The following GLI4 variants were observed in gnomAD, a reference collection of about 807,000 sequenced individuals.
The protein encoded by GLI4 is zinc finger protein GLI4.
GLI4 carries 34 observed loss-of-function variants against 30.9 expected under a neutral mutation model. That is an observed-to-expected ratio of 1.10 (90% confidence interval 0.84 to 1.47). The LOEUF (loss-of-function observed/expected upper bound fraction) is 1.47. Among genes scored for constraint, GLI4 ranks in the 40% most tolerant of loss-of-function variants. GLI4 has a pLI of 0.00. For missense variants in GLI4, 696 were observed against 538.9 expected, an observed-to-expected ratio of 1.29 and a Z score of -2.89; for synonymous variants, 277 against 236.7, an observed-to-expected ratio of 1.17 and a Z score of -1.56.
In GLI4 at chr8:143,276,269, T is replaced by G; in HGVS notation, c.596T>G (p.Leu199Arg). 1.2e-6 allele frequency: 2 copies of G among 1,612,380 alleles called. No homozygotes were observed. Among genetic ancestry groups the G allele is most frequent in the Non-Finnish European group, 1.7e-6 (2 of 1,179,606 alleles). ...AGTTTCAAGTATAACTCGCTGCTCCTGAAGCACCAGCGCATCCACACGGGC... is the reference window on the plus strand; with the variant it reads ...AGTTTCAAGTATAACTCGCTGCTCCGGAAGCACCAGCGCATCCACACGGGC... ...GKSFKYNSLL[L>R]KHQRIHTGEK... The change falls in exon 4 of 4, where the codon CTG becomes CGG. Residue 199 changes from leucine (L) to arginine (R), a missense_variant. Transcript: ENST00000340042.
chr8:143,268,847 C>CTGT lies in GLI4; in HGVS notation c.-37-511_-37-510insTTG, dbSNP rs1465843396. Among the ~76,000 whole-genome samples the CTGT allele has an allele frequency of 4.7e-4, 67 of 142,708 alleles. 1 individual carries two copies. The East Asian group carries it at 0.013, about 27-fold the overall frequency. The allele number at this position is 142,708 out of a possible 152,430, so 93.6% of individuals were successfully genotyped here. A position where few individuals can be genotyped will look rare whatever the true frequency, so the allele number is the denominator to read the frequency against. ...CCAAGGCGTTACTCCTTTGCTGCTG[C>CTGT]TGCTGCTGCTGCTGTTGTTTGAGTC... On this transcript the variant is annotated intron_variant, in intron 1 of 3. Coordinates refer to ENST00000340042, the MANE Select transcript of GLI4 (RefSeq NM_138465.4).
chr8:143,271,204 G>T (rs1490842322), intron 2 of GLI4, among the ~76,000 whole-genome samples: 1 of 152,194 alleles, frequency 6.6e-6, no homozygotes, highest in East Asian at 1.9e-4. Flanking sequence ...GGACAGATGA[G>T]CTGGGCCCTG....
intron 1 of GLI4, among the ~76,000 whole-genome samples, chr8:143,268,295 G>C (rs1339285802): frequency 6.6e-6 from 1 of 152,206 alleles, no homozygotes; most frequent in East Asian, 1.9e-4. Flanking sequence ...TCTTAGATCT[G>C]AGTATCCGTT....
intron 2 of GLI4, among the ~76,000 whole-genome samples, chr8:143,270,842 C>G (rs966323513): frequency 1.3e-5 from 2 of 152,206 alleles, no homozygotes; most frequent in African/African-American, 4.8e-5. Context: ...CCCAGCAGAT[C>G]ATCTTGGCAC....
chr8:143,272,708 C>T (rs772751278), intron 2 of GLI4, among the ~76,000 whole-genome samples: 13 of 152,180 alleles, frequency 8.5e-5, no homozygotes, highest in Admixed American at 5.2e-4. Flanking sequence ...CGAATGTGGG[C>T]AGGTGTCAGG....
chr8:143,268,185 A>C, intron 1 of GLI4: 1 of 686,448 alleles, frequency 1.5e-6, no homozygotes. Context: ...GACCCTTCCC[A>C]TCATTAGGGG....
chr8:143,270,761 T>C (rs1815250326), intron 2 of GLI4, among the ~76,000 whole-genome samples: 1 of 152,010 alleles, frequency 6.6e-6, no homozygotes, highest in Non-Finnish European at 1.5e-5. Flanking sequence ...ACTCAGGGCA[T>C]GCCCTGGCAC....
intron 3 of GLI4, chr8:143,275,521 C>G (rs907965444): frequency 7.9e-7 from 1 of 1,265,468 alleles, no homozygotes; most frequent in Non-Finnish European, 9.9e-7. Context: ...GGCTTTGAGG[C>G]GCCCTCTGGA....
In GLI4 at chr8:143,267,529, C is replaced by T. The variant is rs943003133; in HGVS notation, c.-38+45C>T. 1.2e-5 allele frequency: 12 copies of T among 985,788 alleles called. No individual in the cohort carries two copies. The African/African-American group carries it at 2.1e-4, about 17-fold the overall frequency. 61.1% of individuals were successfully genotyped at this position (985,788 alleles called of 1,614,324 possible). On this transcript the variant is annotated intron_variant, in intron 1 of 3. Transcript: ENST00000340042. ...GGCGGCGGCTCCGGGTGCCTGGGAC[C>T]AGCCCAGTCCGAGCTCGTGCGCCGT...
At chr8:143,271,783 C>T (rs1815273618) in intron 2 of GLI4, among the ~76,000 whole-genome samples, 1 of 152,092 alleles carries the variant, frequency 6.6e-6, no homozygotes, top group African/African-American at 2.4e-5. Flanking sequence ...TGAGGAGCGG[C>T]CGGGTAAGGT....
Position 143,276,736 on chromosome 8 carries a change from G to T in GLI4, c.1063G>T (p.Ala355Ser). ...HTGEKPFACG[A>S]CGKAFGQSSQ... ...GGGCGAGAAGCCCTTCGCGTGTGGC[G>T]CCTGCGGCAAGGCCTTCGGCCAGAG... is the stretch of plus-strand genomic sequence containing the variant. The change falls in exon 4 of 4, where the codon GCC (alanine) becomes TCC (serine). Residue 355 changes from alanine (A) to serine (S), a missense_variant. Coordinates refer to ENST00000340042, the MANE Select transcript of GLI4 (RefSeq NM_138465.4). 6.2e-7 allele frequency: 1 copy of T among 1,608,668 alleles called. No homozygotes were observed. Among genetic ancestry groups the T allele is most frequent in the East Asian group, 2.2e-5 (1 of 44,734 alleles).
rs772672054 is a variant in GLI4, at chr8:143,276,687, C to T, written c.1014C>T (p.Phe338=). 5.0e-6 allele frequency: 8 copies of T among 1,611,540 alleles called. No homozygotes were observed. Among genetic ancestry groups the T allele is most frequent in the Non-Finnish European group, 5.1e-6 (6 of 1,179,362 alleles). Residue 338 remains phenylalanine, a synonymous_variant, in exon 4 of 4, where the codon TTC becomes TTT. Transcript: ENST00000340042. ...AAGCCTTCCGCGGCCGCTCGCACTT[C>T]TTCCGGCACCTGCGGACCCACACGG... ...CGKAFRGRSH[F]FRHLRTHTGE...
At chr8:143,271,331 G>C (rs958110038) in intron 2 of GLI4, among the ~76,000 whole-genome samples, 2 of 152,158 alleles carry the variant, frequency 1.3e-5, no homozygotes, top group African/African-American at 4.8e-5. Context: ...ATAAGGGGGC[G>C]GCCTTCATCC....
intron 1 of GLI4, among the ~76,000 whole-genome samples, chr8:143,268,859 C>CTGCTGCTGTTGCTGCTGCTGT (rs35422165): frequency 2.7e-5 from 4 of 149,384 alleles, no homozygotes; most frequent in African/African-American, 9.9e-5. Context: ...GCTGCTGCTG[C>CTGCTGCTGTTGCTGCTGCTGT]TGTTGTTTGA....
chr8:143,270,325 C>T (rs1347549330), intron 2 of GLI4, among the ~76,000 whole-genome samples: 1 of 152,232 alleles, frequency 6.6e-6, no homozygotes, highest in East Asian at 1.9e-4. Context: ...CAGGTGGGCA[C>T]TCAGATGGGG....
Position 143,274,798 on chromosome 8 carries a change from G to T in GLI4, c.219G>T (p.Trp73Cys), listed in dbSNP as rs1402374008. 1 of 1,558,644 alleles carries T rather than the reference G, an allele frequency of 6.4e-7. No individual in the cohort carries two copies. The highest frequency in any genetic ancestry group is 8.7e-7 in the Non-Finnish European group (1 of 1,148,584). ...EEVEIGRDTF[W>C]PDSEPKPEQA... ...TGGAGATCGGCAGAGACACCTTCTG[G>T]CCCGGTGAGTGAGCAGAATCGGGTT... The change falls in exon 3 of 4, where the codon TGG becomes TGT. Residue 73 changes from tryptophan (W) to cysteine (C), a missense_variant. Trp to Cys is a radical substitution (Grantham distance 215, BLOSUM62 -2). Transcript: ENST00000340042.
At chr8:143,273,988 C>T (rs1039316328) in intron 2 of GLI4, among the ~76,000 whole-genome samples, 19 of 152,338 alleles carry the variant, frequency 1.2e-4, no homozygotes, top group Admixed American at 3.9e-4. Context: ...GTGGAGCCCA[C>T]GCCCCTCCCT....
In GLI4 at chr8:143,276,750, C is replaced by T. The variant is rs1193270342; in HGVS notation, c.1077C>T (p.Ala359=). ...TCGCGTGTGGCGCCTGCGGCAAGGC[C>T]TTCGGCCAGAGCTCCCAGCTCATCC... The part of the protein sequence containing the change: ...KPFACGACGK[A]FGQSSQLIQH... Residue 359 remains alanine, a synonymous_variant, in exon 4 of 4, where the codon GCC becomes GCT. Coordinates refer to ENST00000340042, the MANE Select transcript of GLI4 (RefSeq NM_138465.4). The T allele has an allele frequency of 6.2e-7, 1 of 1,606,296 alleles. No individual in the cohort carries two copies. Among genetic ancestry groups the T allele is most frequent in the South Asian group, 1.1e-5 (1 of 90,538 alleles).
intron 2 of GLI4, among the ~76,000 whole-genome samples, chr8:143,272,859 C>G (rs920516366): frequency 6.6e-6 from 1 of 152,184 alleles, no homozygotes; most frequent in African/African-American, 2.4e-5. Flanking sequence ...GGGGGCCATC[C>G]TGAGTCGGCT....
Sources: allele counts gnomAD v4.1 joint callset (sites outside exome capture counted in the v4.1 genomes callset), GRCh38; gene constraint gnomAD v4.1.1; transcripts MANE v1.5; gene names NCBI Gene and HGNC (gene_info 2026-07-23, HGNC 2026-07-21).